The following HEATR1 variants were observed in gnomAD, a reference collection of about 807,000 sequenced individuals.
HEATR1 encodes HEAT repeat-containing protein 1.
A neutral mutation model predicts 248.2 loss-of-function variants in HEATR1; 77 were observed. The ratio of observed to expected loss-of-function variants is 0.31; its 90% CI spans 0.26 to 0.37. The LOEUF (loss-of-function observed/expected upper bound fraction) is 0.37. Among genes scored for constraint, HEATR1 ranks in the 10% least tolerant of loss-of-function variants. The probability of loss-of-function intolerance (pLI) is 1.00; values close to 1 mark genes in which losing one functional copy is unlikely to be tolerated. For missense variants in HEATR1, 2,420 were observed against 2,504.9 expected (o/e 0.97, Z 0.72); for synonymous variants, 897 against 923.1 (o/e 0.97, Z 0.51).
chr1:236,572,376 C>T lies in HEATR1; in HGVS notation c.3707+35G>A, dbSNP rs73114810. The T allele has an allele frequency of 0.015, 23,458 of 1,605,250 alleles. 2,258 individuals are homozygous for T. In the African/African-American group the frequency reaches 0.24, roughly 16 times the overall value. On this transcript the variant is annotated intron_variant, in intron 26 of 44. Transcript: ENST00000366582. Reference sequence around the variant, plus strand: ...GATAAGATGGGCAAGAATTAGAGTCCTATTCTCTCACAGATCAAAGCCAAG... The same window carrying T: ...GATAAGATGGGCAAGAATTAGAGTCTTATTCTCTCACAGATCAAAGCCAAG...
At chr1:236,585,399 T>A (rs1210802891) in intron 16 of HEATR1, among the ~76,000 whole-genome samples, 183 bp from the exon 17 acceptor site, 2 of 152,218 alleles carry the variant, frequency 1.3e-5, no homozygotes, top group Non-Finnish European at 2.9e-5. Context: ...GAAACTGTAA[T>A]GAACATAATT....
chr1:236,574,577 T>C (rs1663516235), intron 23 of HEATR1, 84 bp downstream of exon 23: 2 of 1,435,922 alleles, frequency 1.4e-6, no homozygotes, highest in African/African-American at 2.9e-5. Flanking sequence ...TATTAATCTT[T>C]TTTTTTTTAA....
chr1:236,581,181 C>T (rs780806102), intron 20 of HEATR1, 41 bp downstream of exon 20: 12 of 1,491,904 alleles, frequency 8.0e-6, no homozygotes, highest in South Asian at 4.6e-5. Context: ...AAAGCATGAA[C>T]AGTTGGTCAT....
intron 9 of HEATR1, among the ~76,000 whole-genome samples, chr1:236,593,251 A>T (rs1164911770): frequency 6.6e-6 from 1 of 151,964 alleles, no homozygotes; most frequent in African/African-American, 2.4e-5. Context: ...TTTGCTCATG[A>T]GAACAGCAAT....
chr1:236,576,832 T>C lies in HEATR1; in HGVS notation c.2873A>G (p.His958Arg), dbSNP rs1409736793. The change falls in exon 21 of 45, where the codon CAT (histidine) becomes CGT (arginine). Residue 958 changes from histidine to arginine, a missense_variant. By Grantham distance (29) the His-to-Arg change is conservative. Coordinates refer to ENST00000366582, the MANE Select transcript of HEATR1 (RefSeq NM_018072.6). ...GATCTCCTCTGCTTTAGAAATCAAA[T>C]GATCTATTATCAGATAAAACGGGGA... ...VASPFYLIID[H>R]LISKAEEITS... The C allele has an allele frequency of 1.9e-6, 3 of 1,613,902 alleles. No individual in the cohort carries two copies. The highest frequency in any genetic ancestry group is 1.7e-5 in the Admixed American group (1 of 59,964).
chr1:236,595,421 C>T, intron 8 of HEATR1, 119 bp downstream of exon 8: 3 of 826,546 alleles, frequency 3.6e-6, no homozygotes, highest in Non-Finnish European at 5.4e-6. Flanking sequence ...AGACAAGTTA[C>T]ACAAGAACAA....
At chr1:236,557,172 A>C (rs777067336) in intron 37 of HEATR1, 23 bp downstream of exon 37, 1 of 1,611,836 alleles carries the variant, frequency 6.2e-7, no homozygotes, top group Admixed American at 1.7e-5. Flanking sequence ...CCTGCGTAGC[A>C]TGTCGTGGCT....
intron 31 of HEATR1, among the ~76,000 whole-genome samples, chr1:236,565,144 C>G (rs1246856505): frequency 6.6e-6 from 1 of 152,160 alleles, no homozygotes; most frequent in Non-Finnish European, 1.5e-5. Context: ...CAAACCTGAG[C>G]TGACTGCAGG....
chr1:236,554,922 A>G (rs1305171587), intron 41 of HEATR1, among the ~76,000 whole-genome samples, 170 bp from the exon 42 acceptor site: 1 of 152,240 alleles, frequency 6.6e-6, no homozygotes, highest in East Asian at 1.9e-4. Context: ...TCGAAGAATG[A>G]TTCCTTCTTT....
chr1:236,598,944 C>T (rs1039408919), intron 4 of HEATR1, among the ~76,000 whole-genome samples: 2 of 152,198 alleles, frequency 1.3e-5, no homozygotes, highest in Admixed American at 1.3e-4. Context: ...TTACCCAGAC[C>T]CTTCCTGTTA....
At chr1:236,568,372 T>C (rs1022146946) in intron 29 of HEATR1, among the ~76,000 whole-genome samples, 8 of 152,240 alleles carry the variant, frequency 5.3e-5, no homozygotes, top group Non-Finnish European at 1.0e-4. Context: ...AGGTGCTGAA[T>C]ATGGTCATCC....
In HEATR1 at chr1:236,574,215, C is replaced by T. The variant is rs1234936825; in HGVS notation, c.3446G>A (p.Ser1149Asn). Reference sequence around the variant, plus strand: ...TTTGCAGCTTACCCCTTTAAAAACACTGCTGACAGTCTGAGCACAATGTGA... The same window carrying T: ...TTTGCAGCTTACCCCTTTAAAAACATTGCTGACAGTCTGAGCACAATGTGA... ...KNSHCAQTVS[S>N]VFKGISVNAE... is the part of the protein sequence containing the mutation. The change falls in exon 24 of 45, where the codon AGT (serine) becomes AAT (asparagine). Residue 1149 changes from serine (S) to asparagine (N), a missense_variant. Transcript: ENST00000366582. 1.2e-6 allele frequency: 2 copies of T among 1,605,404 alleles called. No homozygotes were observed. The highest frequency in any genetic ancestry group is 1.7e-6 in the Non-Finnish European group (2 of 1,177,732).
intron 28 of HEATR1, among the ~76,000 whole-genome samples, chr1:236,570,283 C>T (rs558547576): frequency 1.2e-4 from 18 of 152,138 alleles, no homozygotes; most frequent in East Asian, 9.7e-4. Context: ...AGCGAGACTC[C>T]GTCTCAAAAC....
At position 236,565,892 on chromosome 1, in the gene HEATR1, A is replaced by G; in HGVS notation, c.4435+27T>C. The G allele has an allele frequency of 3.1e-6, 5 of 1,599,704 alleles. No individual in the cohort carries two copies. In the South Asian group the frequency reaches 5.7e-5, roughly 18 times the overall value. On this transcript the variant is annotated intron_variant, in intron 31 of 44. Transcript: ENST00000366582. ...TTTCTCTTTAGCTTTCAGATTGAAC[A>G]GTAAGTGACACCCGATCTACGCTTA... is the stretch of plus-strand genomic sequence containing the variant.
At chr1:236,594,203 CAGAATA>C in intron 8 of HEATR1, 89 bp from the exon 9 acceptor site, 1 of 764,474 alleles carries the variant, frequency 1.3e-6, no homozygotes, top group Non-Finnish European at 2.2e-6. Context: ...AAATCGTTCT[CAGAATA>C]AAACACACAC....
In HEATR1 at chr1:236,554,651, G is replaced by A. The variant is rs1364578060; in HGVS notation, c.6025C>T (p.His2009Tyr). Residue 2009 changes from histidine (H) to tyrosine (Y), a missense_variant, in exon 42 of 45, where the codon CAT (histidine) becomes TAT (tyrosine). Coordinates refer to ENST00000366582, the MANE Select transcript of HEATR1 (RefSeq NM_018072.6). ...TCTGCTCTCTCTTTACTTATAAAAT[G>A]CTGGGTATCAAAAAGGAAGATTTTG... ...LYKIFLFDTQ[H>Y]FISKERAEAL... The A allele has an allele frequency of 7.4e-6, 12 of 1,613,320 alleles. No homozygotes were observed. Among genetic ancestry groups the A allele is most frequent in the Non-Finnish European group, 1.0e-5 (12 of 1,179,632 alleles).
chr1:236,566,582 A>T, intron 30 of HEATR1, 64 bp downstream of exon 30: 1 of 1,189,018 alleles, frequency 8.4e-7, no homozygotes, highest in South Asian at 1.3e-5. Flanking sequence ...TTTAAACTGG[A>T]CAATATCATA....
intron 32 of HEATR1, among the ~76,000 whole-genome samples, chr1:236,563,320 C>G (rs924109001): frequency 6.6e-6 from 1 of 151,800 alleles, no homozygotes; most frequent in African/African-American, 2.4e-5. Context: ...GCTCTGTCAC[C>G]CAGGTTGGTG....
At chr1:236,603,433 A>C in intron 2 of HEATR1, 57 bp from the exon 3 acceptor site, 1 of 1,406,474 alleles carries the variant, frequency 7.1e-7, no homozygotes, top group South Asian at 1.2e-5. Flanking sequence ...AATTCATCCC[A>C]CCCCTCTTTT....
Sources: allele counts gnomAD v4.1 joint callset (sites outside exome capture counted in the v4.1 genomes callset), GRCh38; gene constraint gnomAD v4.1.1; transcripts MANE v1.5; gene names NCBI Gene and HGNC (gene_info 2026-07-23, HGNC 2026-07-21).